Variants in PCDH11X observed in about 807,000 individuals in gnomAD.
PCDH11X encodes protocadherin 11 X-linked, also known as protocadherin-11 X-linked.
Under a neutral mutation model 53.3 loss-of-function variants are expected in PCDH11X, and 18 were observed. That is an observed-to-expected ratio of 0.34 (90% CI 0.23 to 0.50). PCDH11X has a LOEUF of 0.50. Ranked by LOEUF, PCDH11X falls within the 20% of genes least tolerant of loss-of-function variation. PCDH11X has a pLI of 0.98. For synonymous variants in PCDH11X, 279 were observed against 393.3 expected, an observed-to-expected ratio of 0.71 and a Z score of 3.44; for missense variants, 570 against 1,032.4, an observed-to-expected ratio of 0.55 and a Z score of 6.14.
At chrX:92,269,511 C>T (rs1341735412) in intron 8 of PCDH11X, among the ~76,000 whole-genome samples, 2 of 111,075 alleles carry the variant, frequency 1.8e-5, no homozygotes, top group African/African-American at 6.5e-5. Context: ...CAATTTCCAG[C>T]CCTGAATTAC....
chrX:92,275,823 C>T (rs1033241716), intron 8 of PCDH11X, among the ~76,000 whole-genome samples: 19 of 110,369 alleles, frequency 1.7e-4, no homozygotes, highest in South Asian at 3.9e-4. Flanking sequence ...TGGTGTTGAG[C>T]GGGGTAAGGG....
chrX:92,339,621 C>T (rs1438457100), intron 8 of PCDH11X, among the ~76,000 whole-genome samples: 1 of 109,493 alleles, frequency 9.1e-6, no homozygotes, highest in Non-Finnish European at 1.9e-5. Flanking sequence ...GAGAGAAGTG[C>T]CACACTTTTA....
At position 92,107,883 on chromosome X, in the gene PCDH11X, C is replaced by T. The variant is rs182897896; in HGVS notation, c.3034-93492C>T. ...TCTTAAAATACTTTACAGAATTTGACTCTTTTCATCGACAATATGCCAATA... is the reference window on the plus strand; with the variant it reads ...TCTTAAAATACTTTACAGAATTTGATTCTTTTCATCGACAATATGCCAATA... On this transcript the variant is annotated intron_variant, in intron 6 of 10. Transcript: ENST00000682573. 8.0e-5 allele frequency among the ~76,000 whole-genome samples: 9 copies of T among 112,046 alleles called. No homozygotes were observed. In the East Asian group the frequency reaches 2.3e-3, roughly 28 times the overall value.
intron 8 of PCDH11X, among the ~76,000 whole-genome samples, chrX:92,287,142 G>A (rs1211345460): frequency 9.0e-6 from 1 of 111,370 alleles, no homozygotes; most frequent in Non-Finnish European, 1.9e-5. Flanking sequence ...TGTGAAAATA[G>A]TGCTTCTTTT....
chrX:92,436,141 A>G (rs966202678), intron 9 of PCDH11X, among the ~76,000 whole-genome samples: 5 of 108,396 alleles, frequency 4.6e-5, no homozygotes, highest in Non-Finnish European at 9.6e-5. Context: ...AAAACAAACA[A>G]CCCCATGAAA....
intron 6 of PCDH11X, among the ~76,000 whole-genome samples, chrX:92,042,022 G>C (rs1391178703): frequency 9.0e-6 from 1 of 111,512 alleles, no homozygotes; most frequent in Non-Finnish European, 1.9e-5. Flanking sequence ...GTGAGACATG[G>C]GATTATTGAT....
In PCDH11X at chrX:91,835,704, A is replaced by T; in HGVS notation, c.200A>T (p.Tyr67Phe). ...LTTAMQFKLV[Y>F]KTGDVPLIRI... ...ACTGCTATGCAGTTCAAGCTAGTGT[A>T]CAAGACCGGAGATGTGCCACTGATT... Residue 67 changes from tyrosine to phenylalanine, a missense_variant, in exon 5 of 11, where the codon TAC (tyrosine) becomes TTC (phenylalanine). This residue lies in a region of PCDH11X where 84 missense variants were observed against 142.0 expected (regional missense o/e 0.59). Transcript: ENST00000682573. 1 of 1,211,534 alleles carries T rather than the reference A, an allele frequency of 8.3e-7. No individual in the cohort carries two copies. The highest frequency in any genetic ancestry group is 3.0e-5 in the East Asian group (1 of 33,828).
At position 92,265,656 on chromosome X, in the gene PCDH11X, T is replaced by G. The variant is rs59833206; in HGVS notation, c.3144+2513T>G. Among the ~76,000 whole-genome samples the G allele has an allele frequency of 0.012, 1,317 of 110,990 alleles. 73 individuals carry two copies. The East Asian group carries it at 0.23, about 19-fold the overall frequency. ...ACACATATATATACACAGTTAATCT[T>G]CACAATAATCCTGTAGGCTATTTTA... On this transcript the variant is annotated intron_variant, in intron 8 of 10. Coordinates refer to ENST00000682573, the MANE Select transcript of PCDH11X (RefSeq NM_032968.5).
At chrX:92,144,423 C>A (rs1370463093) in intron 6 of PCDH11X, among the ~76,000 whole-genome samples, 1 of 110,305 alleles carries the variant, frequency 9.1e-6, no homozygotes, top group Non-Finnish European at 1.9e-5. Flanking sequence ...CAGTCTTTCC[C>A]GTGCTATTCT....
intron 1 of PCDH11X, among the ~76,000 whole-genome samples, chrX:91,786,290 C>T (rs1467569603): frequency 9.2e-6 from 1 of 108,237 alleles, no homozygotes; most frequent in African/African-American, 3.4e-5. Context: ...TCATCTTGAA[C>T]GTGTAGATTT....
intron 6 of PCDH11X, among the ~76,000 whole-genome samples, chrX:92,100,351 A>G (rs1371349497): frequency 9.1e-6 from 1 of 110,044 alleles, no homozygotes; most frequent in African/African-American, 3.3e-5. Context: ...CAGTGAAGGG[A>G]GATAAGGGTG....
chrX:92,357,131 A>T (rs1463374835), intron 8 of PCDH11X, among the ~76,000 whole-genome samples: 32 of 56,676 alleles, frequency 5.6e-4, no homozygotes, highest in Admixed American at 2.0e-3. Context: ...TTTTTTTTTT[A>T]AAAAAAAGCC....
rs763983262 is a variant in PCDH11X at position 91,953,159 on chromosome X, T to C, written c.3033+73886T>C. On this transcript the variant is annotated intron_variant, in intron 6 of 10. Transcript: ENST00000682573. ...AACACAATAGGTTGACTATAGTCAA[T>C]AATAATTATATATTTTAAAGTAAAG... Among the ~76,000 whole-genome samples the C allele has an allele frequency of 5.5e-5, 6 of 109,871 alleles. No homozygotes were observed. In the East Asian group the frequency reaches 1.7e-3, roughly 32 times the overall value.
chrX:92,502,315 A>G (rs1230772841), intron 10 of PCDH11X, among the ~76,000 whole-genome samples: 2 of 109,366 alleles, frequency 1.8e-5, no homozygotes, highest in African/African-American at 3.3e-5. Context: ...TATAGATTCA[A>G]TGCTATTCCC....
Position 92,201,473 on chromosome X carries a change from T to C in PCDH11X, c.3114+18T>C, listed in dbSNP as rs753999802. 2 of 1,037,274 alleles carry C rather than the reference T, an allele frequency of 1.9e-6. No individual in the cohort carries two copies. The highest frequency in any genetic ancestry group is 5.4e-5 in the Admixed American group (2 of 37,090). The allele number at this position is 1,037,274 out of a possible 1,213,427, so 85.5% of individuals were successfully genotyped here. On this transcript the variant is annotated intron_variant, in intron 7 of 10. Coordinates refer to ENST00000682573, the MANE Select transcript of PCDH11X (RefSeq NM_032968.5). ...AACCACAGGTATGGCAAAAGCCCTA[T>C]GATTTTTCCTCCCCCTTCCTTTTAA...
At chrX:92,068,109 A>G (rs2759895) in intron 6 of PCDH11X, among the ~76,000 whole-genome samples, 1 of 110,033 alleles carries the variant, frequency 9.1e-6, no homozygotes, top group Non-Finnish European at 1.9e-5. Flanking sequence ...CCAACTTTTC[A>G]TTTCATTGAT....
At chrX:92,122,762 C>G (rs1001980620) in intron 6 of PCDH11X, among the ~76,000 whole-genome samples, 3 of 109,923 alleles carry the variant, frequency 2.7e-5, no homozygotes, top group Non-Finnish European at 5.7e-5. Context: ...CATGGTGAAA[C>G]CTTGTCTCTA....
At chrX:91,990,868 G>A (rs1312994300) in intron 6 of PCDH11X, among the ~76,000 whole-genome samples, 2 of 104,661 alleles carry the variant, frequency 1.9e-5, no homozygotes, top group African/African-American at 7.2e-5. Context: ...TTGTGCTGAA[G>A]TGAGGGACCT....
At chrX:92,114,230 A>C (rs957927193) in intron 6 of PCDH11X, 1 of 1,023,126 alleles carries the variant, frequency 9.8e-7, no homozygotes, top group Non-Finnish European at 1.4e-6. Context: ...CCAGTCCCAG[A>C]TCAGGCTTGA....
Sources: allele counts gnomAD v4.1 joint callset (sites outside exome capture counted in the v4.1 genomes callset), GRCh38; gene constraint gnomAD v4.1.1; regional missense constraint gnomAD v4.1.1; transcripts MANE v1.5; gene names NCBI Gene and HGNC (gene_info 2026-07-23, HGNC 2026-07-21).